Variants in ACVR2A observed in about 807,000 individuals in gnomAD.
ACVR2A encodes the protein activin A receptor type 2A.
A neutral mutation model predicts 61.4 loss-of-function variants in ACVR2A; 7 were observed. That is an observed-to-expected ratio of 0.11 (90% confidence interval 0.06 to 0.21). The LOEUF (loss-of-function observed/expected upper bound fraction) is 0.21. Among genes scored for constraint, ACVR2A ranks in the 10% least tolerant of loss-of-function variants. ACVR2A has a pLI of 1.00. For missense variants in ACVR2A, 322 were observed against 621.7 expected, an observed-to-expected ratio of 0.52 and a Z score of 5.13; for synonymous variants, 193 against 208.3, an observed-to-expected ratio of 0.93 and a Z score of 0.63.
At chr2:147,895,724 GTCTTT>G (rs1186073453) in intron 1 of ACVR2A, among the ~76,000 whole-genome samples, 8 of 152,002 alleles carry the variant, frequency 5.3e-5, no homozygotes, top group Admixed American at 1.3e-4. Flanking sequence ...AAATAATATT[GTCTTT>G]TCTTTAGCTT....
chr2:147,855,290 C>T (rs977498631), intron 1 of ACVR2A, among the ~76,000 whole-genome samples: 1 of 152,102 alleles, frequency 6.6e-6, no homozygotes, highest in Non-Finnish European at 1.5e-5. Flanking sequence ...GGCACAGAGG[C>T]GAAGCTCAGT....
chr2:147,859,828 T>C (rs563400108), intron 1 of ACVR2A, among the ~76,000 whole-genome samples: 12 of 152,246 alleles, frequency 7.9e-5, no homozygotes, highest in African/African-American at 2.6e-4. Context: ...GAAAACAGGG[T>C]CATACAGATA....
At chr2:147,924,739 C>A (rs1687463027) in intron 9 of ACVR2A, among the ~76,000 whole-genome samples, 1 of 151,838 alleles carries the variant, frequency 6.6e-6, no homozygotes, top group Non-Finnish European at 1.5e-5. Flanking sequence ...AATTCTCAAA[C>A]TTTAATGTGT....
At chr2:147,862,678 A>T (rs1241141313) in intron 1 of ACVR2A, among the ~76,000 whole-genome samples, 1 of 151,726 alleles carries the variant, frequency 6.6e-6, no homozygotes, top group Admixed American at 6.6e-5. Context: ...CATGAGACGG[A>T]TGTTGCAGTG....
chr2:147,871,650 C>T (rs556280741), intron 1 of ACVR2A, among the ~76,000 whole-genome samples: 1 of 152,094 alleles, frequency 6.6e-6, no homozygotes, highest in Non-Finnish European at 1.5e-5. Context: ...ATGCCTTGCA[C>T]TGCCTTTTCA....
In ACVR2A at chr2:147,927,226, CACAATGGTG is replaced by C; in HGVS notation, c.1499_1507del (p.Met500_Thr502del). On this transcript the variant is annotated inframe_deletion, in exon 11 of 11. Coordinates refer to ENST00000241416, the MANE Select transcript of ACVR2A (RefSeq NM_001616.5). ...CCACAGAGGACATTGTAACAGTGGT[CACAATGGTG>C]ACAAATGTTGACTTTCCTCCCAAAG... is the stretch of plus-strand genomic sequence containing the variant. 1 of 1,611,880 alleles carries C rather than the reference CACAATGGTG, an allele frequency of 6.2e-7. No individual in the cohort carries two copies. The highest frequency in any genetic ancestry group is 8.5e-7 in the Non-Finnish European group (1 of 1,178,620).
chr2:147,905,013 A>C (rs116021284), intron 4 of ACVR2A, among the ~76,000 whole-genome samples: 1,838 of 152,116 alleles, frequency 0.012, 43 homozygotes, highest in African/African-American at 0.042. Flanking sequence ...TCTTCATTTA[A>C]AATTCTCTTC....
intron 1 of ACVR2A, among the ~76,000 whole-genome samples, chr2:147,889,089 C>G (rs1686514957): frequency 6.6e-6 from 1 of 151,218 alleles, no homozygotes. Flanking sequence ...CACTTTTAGT[C>G]TGTTGATTTG....
intron 1 of ACVR2A, among the ~76,000 whole-genome samples, chr2:147,865,508 C>G (rs1685831061): frequency 6.6e-6 from 1 of 152,190 alleles, no homozygotes; most frequent in African/African-American, 2.4e-5. Flanking sequence ...TCTGTAGCCC[C>G]TTGCTACCTC....
At chr2:147,926,964 T>G in intron 10 of ACVR2A, 116 bp from the exon 11 acceptor site, 6 of 981,040 alleles carry the variant, frequency 6.1e-6, no homozygotes, top group Non-Finnish European at 6.0e-6. Context: ...AAAGTGAATG[T>G]TGACAGAAAC....
Position 147,847,791 on chromosome 2 carries a change from C to G in ACVR2A, c.55+2584C>G, listed in dbSNP as rs145122409. Among the ~76,000 whole-genome samples, 11 of 152,268 alleles carry G rather than the reference C, an allele frequency of 7.2e-5. No individual in the cohort carries two copies. The East Asian group carries it at 1.9e-3, about 27-fold the overall frequency. The stretch of plus-strand genomic sequence containing the variant: ...CATTCCTCTCATACTTTCTCAGATT[C>G]TGTTTCAAAACATAAATCTTAGTTT... On this transcript the variant is annotated intron_variant, in intron 1 of 10. Coordinates refer to ENST00000241416, the MANE Select transcript of ACVR2A (RefSeq NM_001616.5).
chr2:147,864,371 A>G (rs542028288), intron 1 of ACVR2A, among the ~76,000 whole-genome samples: 2 of 152,150 alleles, frequency 1.3e-5, no homozygotes, highest in Admixed American at 6.5e-5. Context: ...CTGGGATTAC[A>G]TGCGCGCTCT....
At chr2:147,888,214 A>G (rs931022905) in intron 1 of ACVR2A, among the ~76,000 whole-genome samples, 1 of 152,060 alleles carries the variant, frequency 6.6e-6, no homozygotes, top group East Asian at 1.9e-4. Flanking sequence ...TGTCTTTATT[A>G]TTGCAGTTAC....
chr2:147,923,346 A>C (rs1026088345), intron 9 of ACVR2A, among the ~76,000 whole-genome samples: 27 of 151,996 alleles, frequency 1.8e-4, no homozygotes, highest in African/African-American at 6.3e-4. Flanking sequence ...CACATACCTT[A>C]AGGTTATTTC....
chr2:147,862,304 G>C (rs1222995630), intron 1 of ACVR2A, among the ~76,000 whole-genome samples: 1 of 151,744 alleles, frequency 6.6e-6, no homozygotes, highest in East Asian at 1.9e-4. Flanking sequence ...TTTGGAGTAG[G>C]GGTCTTGCTT....
chr2:147,869,505 T>G (rs1475352014), intron 1 of ACVR2A, among the ~76,000 whole-genome samples: 1 of 152,148 alleles, frequency 6.6e-6, no homozygotes, highest in African/African-American at 2.4e-5. Context: ...TAGACAAGAT[T>G]AGGTTAAATA....
chr2:147,869,362 TTTGC>T lies in ACVR2A; in HGVS notation c.55+24158_55+24161del, dbSNP rs1685954114. On this transcript the variant is annotated intron_variant, in intron 1 of 10. Transcript: ENST00000241416. ...GGAGACTGACTATTCTTCCTTGACG[TTTGC>T]TTATTCCCTTAAGCCAATAATCTAG... 8.7e-5 allele frequency among the ~76,000 whole-genome samples: 11 copies of T among 126,542 alleles called. No homozygotes were observed. In the South Asian group the frequency reaches 3.2e-3, roughly 36 times the overall value. 83.0% of individuals were successfully genotyped at this position (126,542 alleles called of 152,430 possible).
chr2:147,901,731 A>G (rs907335963), intron 4 of ACVR2A, among the ~76,000 whole-genome samples: 1 of 152,062 alleles, frequency 6.6e-6, no homozygotes, highest in African/African-American at 2.4e-5. Flanking sequence ...AAGCTTTGGT[A>G]TGAAAAATAC....
At chr2:147,882,773 A>C (rs765521342) in intron 1 of ACVR2A, among the ~76,000 whole-genome samples, 4 of 152,048 alleles carry the variant, frequency 2.6e-5, no homozygotes, top group Non-Finnish European at 5.9e-5. Context: ...ATGTTTTGTC[A>C]GACTGATAGT....
Sources: allele counts gnomAD v4.1 joint callset (sites outside exome capture counted in the v4.1 genomes callset), GRCh38; gene constraint gnomAD v4.1.1; transcripts MANE v1.5; gene names NCBI Gene and HGNC (gene_info 2026-07-23, HGNC 2026-07-21).